RPGRIP1L: variants seen among roughly 807,000 people sequenced by gnomAD.
RPGRIP1L encodes RPGRIP1 like.
In RPGRIP1L, 131 loss-of-function variants were observed where a neutral mutation model predicts 160.4. The ratio of observed to expected loss-of-function variants is 0.82; its 90% CI spans 0.71 to 0.94. The LOEUF is 0.94. Among genes scored for constraint, RPGRIP1L ranks in the 40% least tolerant of loss-of-function variants. The probability of loss-of-function intolerance (pLI) is 0.00; values close to 1 mark genes in which losing one functional copy is unlikely to be tolerated. For synonymous variants in RPGRIP1L, 510 were observed against 515.8 expected (o/e 0.99, Z 0.15); for missense variants, 1,522 against 1,535.8 (o/e 0.99, Z 0.15).
At chr16:53,684,553 T>C (rs1019039790) in intron 6 of RPGRIP1L, among the ~76,000 whole-genome samples, 4 of 139,808 alleles carry the variant, frequency 2.9e-5, no homozygotes, top group South Asian at 2.2e-4. Flanking sequence ...TGAGAACACA[T>C]GGACACAGGA....
chr16:53,660,365 G>T (rs1018614312), intron 10 of RPGRIP1L, among the ~76,000 whole-genome samples: 1 of 152,062 alleles, frequency 6.6e-6, no homozygotes, highest in African/African-American at 2.4e-5. Context: ...CATTTGCCAA[G>T]AATTCTTTGC....
At chr16:53,612,007 T>G (rs1964078453) in intron 24 of RPGRIP1L, among the ~76,000 whole-genome samples, 1 of 152,206 alleles carries the variant, frequency 6.6e-6, no homozygotes, top group African/African-American at 2.4e-5. Context: ...CAAACATCTT[T>G]TATGTTGAAA....
intron 22 of RPGRIP1L, among the ~76,000 whole-genome samples, chr16:53,625,475 TG>T (rs368428748): frequency 3.8e-5 from 5 of 130,304 alleles, no homozygotes; most frequent in East Asian, 2.6e-4. Context: ...ATCTGGGGGC[TG>T]GGGGGGGCGC....
At chr16:53,677,345 C>A (rs1969262328) in intron 6 of RPGRIP1L, among the ~76,000 whole-genome samples, 1 of 152,142 alleles carries the variant, frequency 6.6e-6, no homozygotes, top group Non-Finnish European at 1.5e-5. Flanking sequence ...CAGTTTGCTG[C>A]AGAGTACACC....
intron 24 of RPGRIP1L, among the ~76,000 whole-genome samples, chr16:53,613,454 G>A (rs1964179246): frequency 6.6e-6 from 1 of 151,976 alleles, no homozygotes; most frequent in Admixed American, 6.6e-5. Flanking sequence ...TGGTAGCTGG[G>A]ACTACAGGTG....
intron 3 of RPGRIP1L, 46 bp from the exon 4 acceptor site, chr16:53,692,410 T>C (rs1448318413): frequency 1.9e-6 from 3 of 1,547,316 alleles, no homozygotes; most frequent in South Asian, 1.1e-5. Flanking sequence ...GAAGTCAGCA[T>C]AAAATCCATT....
chr16:53,687,988 T>C (rs1387132152), intron 4 of RPGRIP1L, 23 bp from the exon 5 acceptor site: 3 of 1,340,008 alleles, frequency 2.2e-6, no homozygotes, highest in South Asian at 2.4e-5. Context: ...TAATAAAATA[T>C]GATTACAGAA....
intron 16 of RPGRIP1L, among the ~76,000 whole-genome samples, chr16:53,646,280 T>A (rs1966542415): frequency 1.3e-5 from 2 of 152,164 alleles, no homozygotes; most frequent in Admixed American, 6.5e-5. Context: ...AATGTTAATC[T>A]GATGTTCTTC....
At chr16:53,682,350 C>T (rs1969671912) in intron 6 of RPGRIP1L, among the ~76,000 whole-genome samples, 1 of 152,122 alleles carries the variant, frequency 6.6e-6, no homozygotes, top group African/African-American at 2.4e-5. Flanking sequence ...ATATAGCCCC[C>T]TAAGGAGGGA....
In RPGRIP1L at chr16:53,676,708, C is replaced by T. The variant is rs530335108; in HGVS notation, c.777-1586G>A. 1.6e-4 allele frequency among the ~76,000 whole-genome samples: 24 copies of T among 152,246 alleles called. No individual in the cohort carries two copies. The East Asian group carries it at 3.7e-3, about 23-fold the overall frequency. On this transcript the variant is annotated intron_variant, in intron 6 of 26. Transcript: ENST00000647211. ...GAGTGTAGTGGCGCGATCTCGGCTA[C>T]TGCAACCTCCGCCTCCTGGTTTCAA...
chr16:53,617,802 A>G (rs1306388916), intron 24 of RPGRIP1L, among the ~76,000 whole-genome samples: 1 of 152,184 alleles, frequency 6.6e-6, no homozygotes, highest in Non-Finnish European at 1.5e-5. Context: ...GGGGGAAAAA[A>G]AAGGTAACTG....
chr16:53,643,438 C>A lies in RPGRIP1L; in HGVS notation c.2684-1963G>T, dbSNP rs185729854. Among the ~76,000 whole-genome samples, 152 of 152,202 alleles carry A rather than the reference C, an allele frequency of 1.0e-3. No individual in the cohort carries two copies. The Middle Eastern group carries it at 0.01, about 10-fold the overall frequency. On this transcript the variant is annotated intron_variant, in intron 17 of 26. Coordinates refer to ENST00000647211, the MANE Select transcript of RPGRIP1L (RefSeq NM_015272.5). ...ATCAAAGAGGACCCTGGTAAGCTAT[C>A]TGTCCCTGGGTGAATGAGAGGTCTA...
rs953912457 is a variant in RPGRIP1L, at chr16:53,627,380, T to C, written c.3295-5024A>G. Among the ~76,000 whole-genome samples the C allele has an allele frequency of 2.6e-5, 4 of 152,320 alleles. No individual in the cohort carries two copies. In the South Asian group the frequency reaches 6.2e-4, roughly 24 times the overall value. ...TTCTTTAATTTTTTATTATAAAACA[T>C]TTCAAACATGATAAAGTACAGAAAA... On this transcript the variant is annotated intron_variant, in intron 22 of 26. Transcript: ENST00000647211.
At chr16:53,691,928 T>A (rs759374989) in intron 4 of RPGRIP1L, 138 bp downstream of exon 4, 24 of 807,692 alleles carry the variant, frequency 3.0e-5, no homozygotes, top group Non-Finnish European at 4.7e-5. Flanking sequence ...AATATTATTT[T>A]ATCAAAGTAA....
At chr16:53,646,460 C>G (rs1414664809) in intron 16 of RPGRIP1L, among the ~76,000 whole-genome samples, 1 of 151,718 alleles carries the variant, frequency 6.6e-6, no homozygotes. Flanking sequence ...GCCAAATTAG[C>G]CAGTATAACA....
chr16:53,678,239 A>G (rs1246409735), intron 6 of RPGRIP1L, among the ~76,000 whole-genome samples: 1 of 152,126 alleles, frequency 6.6e-6, no homozygotes, highest in Non-Finnish European at 1.5e-5. Flanking sequence ...AAACTGAAAT[A>G]AATTAGATTT....
chr16:53,625,528 G>T (rs1288421011), intron 22 of RPGRIP1L, among the ~76,000 whole-genome samples: 1 of 144,314 alleles, frequency 6.9e-6, no homozygotes, highest in African/African-American at 2.6e-5. Flanking sequence ...GTGAGGGGGG[G>T]GCGCCTCCGC....
At chr16:53,609,747 C>T (rs8047089) in intron 25 of RPGRIP1L, among the ~76,000 whole-genome samples, 58,129 of 151,716 alleles carry the variant, frequency 0.38, 12,921 homozygotes, top group African/African-American at 0.6. Flanking sequence ...GGACTGGTGG[C>T]TTTGAAGGGG....
rs763545368 is a variant in RPGRIP1L at position 53,652,587 on chromosome 16, A to G, written c.2100T>C (p.Phe700=). ...GGCCGCTTTTTTCAAGAATTTCGTG[A>G]AATTTTAATTGACATGCTGCAATTG... ...YETIAACQLK[F]HEILEKSGRI... Residue 700 remains phenylalanine (F), a synonymous_variant, in exon 15 of 27, where the codon TTT becomes TTC. Transcript: ENST00000647211. 6.2e-7 allele frequency: 1 copy of G among 1,614,120 alleles called. No individual in the cohort carries two copies. Among genetic ancestry groups the G allele is most frequent in the South Asian group, 1.1e-5 (1 of 91,084 alleles).
Sources: gnomAD v4.1 joint callset for allele counts (sites outside exome capture counted in the v4.1 genomes callset) on GRCh38, gnomAD v4.1.1 for gene constraint, MANE v1.5 for transcripts, NCBI Gene and HGNC (gene_info 2026-07-23, HGNC 2026-07-21) for gene names.